BANP: variants seen among roughly 807,000 people sequenced by gnomAD.
BANP encodes BTG3 associated nuclear protein, also known as protein BANP.
In BANP, 11 loss-of-function variants were observed where a neutral mutation model predicts 68.1. That is an observed-to-expected ratio of 0.16 (90% confidence interval 0.10 to 0.27). The LOEUF (loss-of-function observed/expected upper bound fraction) is 0.27, where lower values mean the gene tolerates loss of function less well. Ranked by LOEUF, BANP falls within the 10% of genes least tolerant of loss-of-function variation. The pLI, the probability that BANP is intolerant of heterozygous loss-of-function variation, is 1.00. For synonymous variants in BANP, 329 were observed against 303.2 expected (o/e 1.09, Z -0.88); for missense variants, 504 against 722.7 (o/e 0.70, Z 3.47).
chr16:88,058,656 G>A (rs546440150), intron 11 of BANP, among the ~76,000 whole-genome samples: 1 of 152,108 alleles, frequency 6.6e-6, no homozygotes. Context: ...CAGATGAAAC[G>A]TGTGTGTCCT....
At position 87,957,973 on chromosome 16, in the gene BANP, G is replaced by A. The variant is rs1197679661; in HGVS notation, c.-69+6458G>A. ...CAGAGTGCTGCCGCTGCCAGTCTGC[G>A]TTTTCTGCCGAAATGCGTCCCTGAG... On this transcript the variant is annotated intron_variant, in intron 1 of 13. Transcript: ENST00000682872. The surrounding 1 kb of genome is among the most constrained non-coding windows in gnomAD (Gnocchi z 4.3). Among the ~76,000 whole-genome samples the A allele has an allele frequency of 2.0e-5, 3 of 152,166 alleles. No homozygotes were observed. Among genetic ancestry groups the A allele is most frequent in the African/African-American group, 4.8e-5 (2 of 41,428 alleles).
chr16:88,019,165 TTTCGTGCCCAGCCCGGCCTGTGACGTC>T (rs929986439), intron 7 of BANP, among the ~76,000 whole-genome samples: 7 of 152,140 alleles, frequency 4.6e-5, no homozygotes, highest in African/African-American at 1.4e-4. Context: ...AAAGCCTGAT[TTTCGTGCCCAGCCCGGCCTGTGACGTC>T]TCCGTCCCCT....
At chr16:87,951,536 C>G (rs1485644094) in intron 1 of BANP, 21 bp downstream of exon 1, 1 of 152,854 alleles carries the variant, frequency 6.5e-6, no homozygotes, top group Non-Finnish European at 1.5e-5. Context: ...CTCCCGCAGC[C>G]GGTCGCGCCT....
In BANP at chr16:88,071,846, C is replaced by G. The variant is rs1489874908; in HGVS notation, c.1378-223C>G. 1.4e-6 allele frequency: 1 copy of G among 709,442 alleles called. No homozygotes were observed. The highest frequency in any genetic ancestry group is 2.0e-5 in the Admixed American group (1 of 49,760). 43.9% of individuals were successfully genotyped at this position (709,442 alleles called of 1,614,324 possible). A position where few individuals can be genotyped will look rare whatever the true frequency, so the allele number is the denominator to read the frequency against. On this transcript the variant is annotated intron_variant, in intron 12 of 13. Transcript: ENST00000682872. This position sits in a 1 kb window ranked among gnomAD's most constrained non-coding sequence, Gnocchi z 6.5. ...GTGCTTGAGGGCGGAGTTGCAGATC[C>G]AGCAGAGACTCGATGGCACTCTCTC... is the stretch of plus-strand genomic sequence containing the variant.
intron 4 of BANP, among the ~76,000 whole-genome samples, chr16:87,991,876 G>A (rs559015471): frequency 2.0e-5 from 3 of 152,114 alleles, no homozygotes; most frequent in South Asian, 2.1e-4. Context: ...TTACTTTAAT[G>A]TGCTGGCCAT....
chr16:87,962,567 T>G (rs1312042183), intron 1 of BANP, among the ~76,000 whole-genome samples: 1 of 152,160 alleles, frequency 6.6e-6, no homozygotes, highest in Non-Finnish European at 1.5e-5. Context: ...CCCTGGAAAT[T>G]ATGCATGCTC....
In BANP at chr16:88,039,707, G is replaced by A. The variant is rs77207779; in HGVS notation, c.1311+1696G>A. Among the ~76,000 whole-genome samples, 9 of 142,494 alleles carry A rather than the reference G, an allele frequency of 6.3e-5. 1 individual carries two copies. The highest frequency in any genetic ancestry group is 9.8e-5 in the African/African-American group (4 of 40,836). 93.5% of individuals were successfully genotyped at this position (142,494 alleles called of 152,430 possible). ...CTTTTCTCAGCAGGCATGGAGGCCC[G>A]TTGGCTCCAGCACAGATCTGAGTTC... On this transcript the variant is annotated intron_variant, in intron 11 of 13. Transcript: ENST00000682872.
At chr16:87,990,818 A>C (rs2065710399) in intron 4 of BANP, among the ~76,000 whole-genome samples, 1 of 152,170 alleles carries the variant, frequency 6.6e-6, no homozygotes, top group Non-Finnish European at 1.5e-5. Flanking sequence ...GCTGGAGTGC[A>C]GTGGCGCAAT....
At chr16:88,068,666 T>TG (rs2089461353) in intron 12 of BANP, among the ~76,000 whole-genome samples, 1 of 151,994 alleles carries the variant, frequency 6.6e-6, no homozygotes, top group African/African-American at 2.4e-5. Flanking sequence ...GGAACGTGGG[T>TG]GGCTGCGGAT....
chr16:88,056,884 C>G (rs543758674), intron 11 of BANP, among the ~76,000 whole-genome samples: 4 of 152,204 alleles, frequency 2.6e-5, no homozygotes, highest in African/African-American at 9.7e-5. Flanking sequence ...TTATATGATG[C>G]ACACATTGAA....
chr16:87,993,106 G>A (rs2066304472), intron 4 of BANP, among the ~76,000 whole-genome samples: 1 of 152,234 alleles, frequency 6.6e-6, no homozygotes, highest in South Asian at 2.1e-4. Flanking sequence ...CGGGTTTTGG[G>A]GAGGGAGGAC....
chr16:88,067,946 C>T (rs1037594796), intron 12 of BANP, among the ~76,000 whole-genome samples: 1 of 152,264 alleles, frequency 6.6e-6, no homozygotes, highest in Non-Finnish European at 1.5e-5. Flanking sequence ...TGTGTCAATG[C>T]CCCCTCCGTC....
At chr16:88,046,480 G>A (rs1337935546) in intron 11 of BANP, among the ~76,000 whole-genome samples, 1 of 152,132 alleles carries the variant, frequency 6.6e-6, no homozygotes, top group African/African-American at 2.4e-5. Flanking sequence ...GGAGCTGTGA[G>A]CTCGTGCAGT....
Position 87,957,814 on chromosome 16 carries a change from G to A in BANP, c.-69+6299G>A, listed in dbSNP as rs1264736742. On this transcript the variant is annotated intron_variant, in intron 1 of 13. Coordinates refer to ENST00000682872, the MANE Select transcript of BANP (RefSeq NM_001386991.1). The surrounding 1 kb of genome is among the most constrained non-coding windows in gnomAD (Gnocchi z 4.3). ...GATGACGCGGGGGGAATTGGGCCAC[G>A]GTCCCTGCTGTCATCATGGCATGCT... is the stretch of plus-strand genomic sequence containing the variant. Among the ~76,000 whole-genome samples, 1 of 152,286 alleles carries A rather than the reference G, an allele frequency of 6.6e-6. No individual in the cohort carries two copies. The highest frequency in any genetic ancestry group is 1.5e-5 in the Non-Finnish European group (1 of 68,034).
rs770769865 is a variant in BANP, at chr16:88,042,359, G to A, written c.1311+4348G>A. 7.9e-5 allele frequency among the ~76,000 whole-genome samples: 12 copies of A among 152,220 alleles called. 1 individual carries two copies. The South Asian group carries it at 1.4e-3, about 18-fold the overall frequency. Reference sequence around the variant, plus strand: ...GCATGGTGCCAGCTTCCTCCTCCCCGAGCTGTGCCCTCCAGCGCTGTGTCT... The same window carrying A: ...GCATGGTGCCAGCTTCCTCCTCCCCAAGCTGTGCCCTCCAGCGCTGTGTCT... On this transcript the variant is annotated intron_variant, in intron 11 of 13. Coordinates refer to ENST00000682872, the MANE Select transcript of BANP (RefSeq NM_001386991.1).
At chr16:88,008,862 A>ATAAAAT in intron 6 of BANP, among the ~76,000 whole-genome samples, 1 of 152,198 alleles carries the variant, frequency 6.6e-6, no homozygotes, top group Non-Finnish European at 1.5e-5. Flanking sequence ...TTTGAAGGAG[A>ATAAAAT]GGTCATCATC....
At chr16:87,958,636 A>G (rs73240752) in intron 1 of BANP, among the ~76,000 whole-genome samples, 1 of 152,198 alleles carries the variant, frequency 6.6e-6, no homozygotes, top group Non-Finnish European at 1.5e-5. Context: ...TGGAGGCTGC[A>G]GGGCTGCAGT....
rs1443329596 is a variant in BANP, at chr16:88,071,620, G to A, written c.1378-449G>A. On this transcript the variant is annotated intron_variant, in intron 12 of 13. Coordinates refer to ENST00000682872, the MANE Select transcript of BANP (RefSeq NM_001386991.1). This position sits in a 1 kb window ranked among gnomAD's most constrained non-coding sequence, Gnocchi z 6.5. Reference sequence around the variant, plus strand: ...AGCCCTTGAGGTCACTCTGCCTTGGGAATGGGGAGGGTTTGGGTCTCAGCC... The same window carrying A: ...AGCCCTTGAGGTCACTCTGCCTTGGAAATGGGGAGGGTTTGGGTCTCAGCC... 2.2e-6 allele frequency: 1 copy of A among 461,052 alleles called. No individual in the cohort carries two copies. The highest frequency in any genetic ancestry group is 6.9e-5 in the East Asian group (1 of 14,598). The allele number at this position is 461,052 out of a possible 1,614,324, so 28.6% of individuals were successfully genotyped here.
At chr16:88,063,247 C>T (rs940394706) in intron 11 of BANP, among the ~76,000 whole-genome samples, 9 of 152,250 alleles carry the variant, frequency 5.9e-5, no homozygotes, top group Non-Finnish European at 1.0e-4. Context: ...TTTCTAGGCC[C>T]AGTGCCTCGG....
Sources: allele counts gnomAD v4.1 joint callset (sites outside exome capture counted in the v4.1 genomes callset), GRCh38; gene constraint gnomAD v4.1.1; non-coding constraint Gnocchi (gnomAD v3.1); transcripts MANE v1.5; gene names NCBI Gene and HGNC (gene_info 2026-07-23, HGNC 2026-07-21).